The following CNTNAP5 variants were observed in gnomAD, a reference collection of about 807,000 sequenced individuals.
CNTNAP5 encodes the protein contactin-associated protein-like 5.
CNTNAP5 carries 72 observed loss-of-function variants against 150.2 expected under a neutral mutation model. That is an observed-to-expected ratio of 0.48 (90% CI 0.40 to 0.58). The LOEUF (loss-of-function observed/expected upper bound fraction) is 0.58. Ranked by LOEUF, CNTNAP5 falls within the 20% of genes least tolerant of loss-of-function variation. The pLI, the probability that CNTNAP5 is intolerant of heterozygous loss-of-function variation, is 0.00. For synonymous variants in CNTNAP5, 672 were observed against 619.8 expected (o/e 1.08, Z -1.25); for missense variants, 1,636 against 1,626.2 (o/e 1.01, Z -0.10).
chr2:124,826,384 G>T (rs1183921605), intron 19 of CNTNAP5, among the ~76,000 whole-genome samples: 18 of 152,236 alleles, frequency 1.2e-4, no homozygotes, highest in Admixed American at 9.2e-4. Context: ...AGAGTGGGAT[G>T]TTAAGAAAAC....
intron 2 of CNTNAP5, among the ~76,000 whole-genome samples, chr2:124,235,119 A>G (rs185597190): frequency 2.0e-5 from 3 of 152,220 alleles, no homozygotes; most frequent in Admixed American, 2.0e-4. Flanking sequence ...AGATGCCACA[A>G]AGATGTTCTA....
intron 1 of CNTNAP5, among the ~76,000 whole-genome samples, chr2:124,139,139 T>G (rs928020605): frequency 3.3e-5 from 5 of 152,062 alleles, no homozygotes; most frequent in African/African-American, 4.8e-5. Flanking sequence ...CCCATAAGAC[T>G]ATGAGCCACT....
intron 19 of CNTNAP5, among the ~76,000 whole-genome samples, chr2:124,798,576 A>AT (rs1681898360): frequency 1.3e-5 from 2 of 152,224 alleles, no homozygotes; most frequent in Non-Finnish European, 2.9e-5. Context: ...GTAATTCTTT[A>AT]TTATTTATTC....
chr2:124,837,449 A>G (rs1337463082), intron 19 of CNTNAP5, among the ~76,000 whole-genome samples: 1 of 152,170 alleles, frequency 6.6e-6, no homozygotes, highest in Non-Finnish European at 1.5e-5. Flanking sequence ...AAATTCCAAC[A>G]TTGGCGAAAA....
chr2:124,641,091 A>G (rs1044202067), intron 12 of CNTNAP5, among the ~76,000 whole-genome samples: 1 of 140,370 alleles, frequency 7.1e-6, no homozygotes, highest in African/African-American at 2.7e-5. Context: ...ACGCCATTAC[A>G]CTCCAGACTG....
At chr2:124,673,444 C>CT (rs890029720) in intron 13 of CNTNAP5, among the ~76,000 whole-genome samples, 40 of 144,600 alleles carry the variant, frequency 2.8e-4, no homozygotes, top group South Asian at 6.6e-4. Context: ...GTTACAGTTT[C>CT]TTTTTTTTTT....
intron 11 of CNTNAP5, among the ~76,000 whole-genome samples, chr2:124,580,018 C>CTTTG (rs572144965): frequency 9.8e-5 from 15 of 152,304 alleles, no homozygotes; most frequent in African/African-American, 3.6e-4. Flanking sequence ...AGGTTTTGTT[C>CTTTG]TTTGTTTGTT....
chr2:124,267,918 A>T (rs1250364384), intron 3 of CNTNAP5, among the ~76,000 whole-genome samples: 1 of 152,156 alleles, frequency 6.6e-6, no homozygotes, highest in East Asian at 1.9e-4. Context: ...CTGACTCACA[A>T]TCCAAGTGAG....
At chr2:124,285,164 A>C (rs1688116349) in intron 3 of CNTNAP5, among the ~76,000 whole-genome samples, 1 of 152,156 alleles carries the variant, frequency 6.6e-6, no homozygotes, top group African/African-American at 2.4e-5. Context: ...AAGATCCCAG[A>C]TAGCGTTCTC....
chr2:124,555,313 C>T lies in CNTNAP5; in HGVS notation c.1650-7904C>T, dbSNP rs769701576. On this transcript the variant is annotated intron_variant, in intron 10 of 23. Coordinates refer to ENST00000682447, the MANE Select transcript of CNTNAP5 (RefSeq NM_001367498.1). ...TTAAAAATTGCATGCCTAAGGAAGA[C>T]GTGTAATGTGCTAAGTGATGAAGAT... is the stretch of plus-strand genomic sequence containing the variant. 7.9e-5 allele frequency among the ~76,000 whole-genome samples: 12 copies of T among 152,112 alleles called. 1 individual carries two copies. Among genetic ancestry groups the T allele is most frequent in the Non-Finnish European group, 1.3e-4 (9 of 68,036 alleles).
intron 19 of CNTNAP5, among the ~76,000 whole-genome samples, chr2:124,822,859 T>C (rs958438017): frequency 1.6e-4 from 25 of 152,160 alleles, no homozygotes; most frequent in African/African-American, 5.8e-4. Context: ...TCAGAGGATA[T>C]TGACGTAGAG....
chr2:124,904,501 A>T (rs1462907890), intron 22 of CNTNAP5, among the ~76,000 whole-genome samples: 1 of 152,174 alleles, frequency 6.6e-6, no homozygotes, highest in Non-Finnish European at 1.5e-5. Flanking sequence ...GTAATAAAAA[A>T]AAAAGCATAA....
At chr2:124,499,826 A>G (rs542577894) in intron 7 of CNTNAP5, among the ~76,000 whole-genome samples, 8 of 152,308 alleles carry the variant, frequency 5.3e-5, no homozygotes, top group Admixed American at 5.2e-4. Flanking sequence ...CAGGATCTCT[A>G]TATATGTGGA....
chr2:124,489,534 A>G (rs1170523076), intron 7 of CNTNAP5, among the ~76,000 whole-genome samples: 1 of 152,220 alleles, frequency 6.6e-6, no homozygotes, highest in African/African-American at 2.4e-5. Flanking sequence ...GGCCTTCAAC[A>G]CATGAATTTA....
intron 21 of CNTNAP5, among the ~76,000 whole-genome samples, chr2:124,884,452 T>A (rs1678037658): frequency 6.6e-6 from 1 of 152,054 alleles, no homozygotes; most frequent in South Asian, 2.1e-4. Context: ...TATCATGTGA[T>A]CTCTCATTCT....
chr2:124,678,876 C>A (rs965399969), intron 13 of CNTNAP5, among the ~76,000 whole-genome samples: 1 of 151,962 alleles, frequency 6.6e-6, no homozygotes, highest in Admixed American at 6.7e-5. Context: ...TGTCTGATTG[C>A]CTCTTTGCAT....
intron 8 of CNTNAP5, among the ~76,000 whole-genome samples, chr2:124,517,123 G>T (rs1391539627): frequency 1.3e-5 from 2 of 152,124 alleles, no homozygotes; most frequent in African/African-American, 4.8e-5. Flanking sequence ...TGTGGTATTG[G>T]TGATGGAGTG....
chr2:124,094,941 C>T (rs1400087782), intron 1 of CNTNAP5, among the ~76,000 whole-genome samples: 1 of 152,208 alleles, frequency 6.6e-6, no homozygotes, highest in Non-Finnish European at 1.5e-5. Flanking sequence ...ATGGTGGGCA[C>T]TGCTGCCCTC....
chr2:124,196,231 G>A (rs1211423250), intron 1 of CNTNAP5, among the ~76,000 whole-genome samples: 1 of 152,096 alleles, frequency 6.6e-6, no homozygotes, highest in African/African-American at 2.4e-5. Context: ...TAGGTGAGAA[G>A]GGCTAAGGGA....
Sources: gnomAD v4.1 joint callset for allele counts (sites outside exome capture counted in the v4.1 genomes callset) on GRCh38, gnomAD v4.1.1 for gene constraint, MANE v1.5 for transcripts, NCBI Gene and HGNC (gene_info 2026-07-23, HGNC 2026-07-21) for gene names.